Variants in OTOA observed in about 807,000 individuals in gnomAD.
The protein encoded by OTOA is cancer/testis antigen 108.
OTOA carries 70 observed loss-of-function variants against 110.8 expected under a neutral mutation model. The observed-to-expected ratio is 0.63, with a 90% confidence interval of 0.52 to 0.77. OTOA has a LOEUF of 0.77. Among genes scored for constraint, OTOA ranks in the 30% least tolerant of loss-of-function variants. OTOA has a pLI of 0.00. For missense variants in OTOA, 917 were observed against 1,075.8 expected (o/e 0.85, Z 2.06); for synonymous variants, 373 against 431.5 (o/e 0.86, Z 1.68).
At chr16:21,681,009 A>G (rs1050565930) in intron 5 of OTOA, among the ~76,000 whole-genome samples, 5 of 152,184 alleles carry the variant, frequency 3.3e-5, no homozygotes, top group Non-Finnish European at 7.3e-5. Flanking sequence ...AAATTTATCA[A>G]ATTGTCTCAA....
At chr16:21,668,681 C>T (rs1377444815) in intron 1 of OTOA, among the ~76,000 whole-genome samples, 1 of 151,488 alleles carries the variant, frequency 6.6e-6, no homozygotes, top group Non-Finnish European at 1.5e-5. Flanking sequence ...AGGCTGGTCT[C>T]AAACTCCTGA....
rs777719065 is a variant in OTOA at position 21,700,967 on chromosome 16, C to T, written c.920C>T (p.Ala307Val). Residue 307 changes from alanine to valine, a missense_variant, in exon 11 of 29, where the codon GCG (alanine) becomes GTG (valine). Transcript: ENST00000646100. ...VYDITPELAQ[A>V]FLERISSSNF... The stretch of plus-strand genomic sequence containing the variant: ...GACATCACACCTGAGCTGGCCCAGG[C>T]GTTTCTGGAGAGGATCAGCTCCTCC... 14 of 1,613,976 alleles carry T rather than the reference C, an allele frequency of 8.7e-6. No homozygotes were observed. The highest frequency in any genetic ancestry group is 3.3e-5 in the Admixed American group (2 of 59,978).
At chr16:21,722,010 G>A (rs1898757861) in intron 17 of OTOA, among the ~76,000 whole-genome samples, 1 of 151,228 alleles carries the variant, frequency 6.6e-6, no homozygotes, top group Non-Finnish European at 1.5e-5. Context: ...GATTACTTGA[G>A]GTTAGGAGTT....
intron 1 of OTOA, among the ~76,000 whole-genome samples, chr16:21,674,373 C>T (rs968646182): frequency 4.6e-5 from 7 of 151,942 alleles, no homozygotes; most frequent in East Asian, 1.9e-4. Flanking sequence ...TGCAGTGGTG[C>T]AATCTTGGCT....
chr16:21,676,080 G>C (rs1319524502), intron 1 of OTOA, among the ~76,000 whole-genome samples: 1 of 151,806 alleles, frequency 6.6e-6, no homozygotes, highest in Non-Finnish European at 1.5e-5. Context: ...CCACATCCCT[G>C]GCAAAGTTTT....
rs185622686 is a variant in OTOA, at chr16:21,727,692, A to G, written c.2017-549A>G. 7.1e-4 allele frequency among the ~76,000 whole-genome samples: 108 copies of G among 152,228 alleles called. No individual in the cohort carries two copies. In the East Asian group the frequency reaches 0.017, roughly 25 times the overall value. Reference sequence around the variant, plus strand: ...TCTGGAATATTCTCAGAGCAATAACAGTGACAGCAGCGCTCAATTACTGAG... The same window carrying G: ...TCTGGAATATTCTCAGAGCAATAACGGTGACAGCAGCGCTCAATTACTGAG... On this transcript the variant is annotated intron_variant, in intron 19 of 28. Coordinates refer to ENST00000646100, the MANE Select transcript of OTOA (RefSeq NM_144672.4).
chr16:21,712,334 TAA>T (rs879680615), intron 13 of OTOA, among the ~76,000 whole-genome samples: 3 of 140,522 alleles, frequency 2.1e-5, no homozygotes, highest in Non-Finnish European at 4.7e-5. Flanking sequence ...GACTCTGTCT[TAA>T]AAAAAAAAAA....
At chr16:21,675,468 A>G (rs1429062237) in intron 1 of OTOA, among the ~76,000 whole-genome samples, 2 of 151,596 alleles carry the variant, frequency 1.3e-5, no homozygotes, top group African/African-American at 2.4e-5. Context: ...TGATTTATTC[A>G]GATATTTTTG....
At chr16:21,711,730 G>A (rs1898362876) in intron 13 of OTOA, among the ~76,000 whole-genome samples, 1 of 152,134 alleles carries the variant, frequency 6.6e-6, no homozygotes, top group Non-Finnish European at 1.5e-5. Flanking sequence ...GCCTCCCAAA[G>A]TGCTGGGATT....
intron 1 of OTOA, among the ~76,000 whole-genome samples, chr16:21,673,456 C>T (rs1370346471): frequency 6.6e-6 from 1 of 152,162 alleles, no homozygotes; most frequent in Non-Finnish European, 1.5e-5. Flanking sequence ...TTCATGCATC[C>T]CTTGACAGCC....
chr16:21,698,580 C>T (rs1357905434), intron 10 of OTOA, among the ~76,000 whole-genome samples: 1 of 152,098 alleles, frequency 6.6e-6, no homozygotes, highest in Non-Finnish European at 1.5e-5. Flanking sequence ...TGCCCTGACT[C>T]TTCTGGCCAG....
chr16:21,734,646 C>A (rs1899225399), intron 21 of OTOA, among the ~76,000 whole-genome samples: 1 of 151,820 alleles, frequency 6.6e-6, no homozygotes, highest in Non-Finnish European at 1.5e-5. Flanking sequence ...ACCGTCCTGG[C>A]TAAGAGGGTG....
intron 13 of OTOA, among the ~76,000 whole-genome samples, chr16:21,714,485 C>A (rs200392537): frequency 9.0e-6 from 1 of 111,696 alleles, no homozygotes; most frequent in Non-Finnish European, 1.8e-5. Flanking sequence ...CTTTCCTCTC[C>A]CTCTCTCTCT....
chr16:21,732,091 G>A (rs1366602271), intron 21 of OTOA, among the ~76,000 whole-genome samples: 1 of 151,764 alleles, frequency 6.6e-6, no homozygotes, highest in African/African-American at 2.4e-5. Flanking sequence ...TCAGCCTCCC[G>A]AGTAGCTGGG....
intron 20 of OTOA, among the ~76,000 whole-genome samples, 169 bp downstream of exon 20, chr16:21,728,600 T>G (rs1201613266): frequency 2.0e-5 from 3 of 152,034 alleles, no homozygotes; most frequent in Non-Finnish European, 4.4e-5. Context: ...GATTTTTTTT[T>G]TTTTTCTTAG....
chr16:21,692,434 C>T (rs796251115), intron 9 of OTOA, among the ~76,000 whole-genome samples: 1 of 152,018 alleles, frequency 6.6e-6, no homozygotes, highest in African/African-American at 2.4e-5. Context: ...GCAGGTAGGT[C>T]AGGATTTATT....
At chr16:21,723,408 C>G (rs1898820589) in intron 18 of OTOA, among the ~76,000 whole-genome samples, 2 of 151,646 alleles carry the variant, frequency 1.3e-5, no homozygotes, top group Admixed American at 6.6e-5. Context: ...CTTTATTTCC[C>G]TCTACCTTTT....
chr16:21,668,459 C>CTTT (rs374673931), intron 1 of OTOA, among the ~76,000 whole-genome samples: 59 of 122,038 alleles, frequency 4.8e-4, no homozygotes, highest in African/African-American at 1.0e-3. Context: ...TTGTTTCTTT[C>CTTT]TTTTTTTTTT....
chr16:21,721,433 G>C (rs1446022765), intron 17 of OTOA: 1 of 455,836 alleles, frequency 2.2e-6, no homozygotes, highest in Non-Finnish European at 4.4e-6. Context: ...GCCTCTAGTG[G>C]GTAGAGGCCA....
Sources: allele counts gnomAD v4.1 joint callset (sites outside exome capture counted in the v4.1 genomes callset), GRCh38; gene constraint gnomAD v4.1.1; transcripts MANE v1.5; gene names NCBI Gene and HGNC (gene_info 2026-07-23, HGNC 2026-07-21).